Variants in SHROOM4 observed in about 807,000 individuals in gnomAD.
SHROOM4 encodes shroom family member 4.
Under a neutral mutation model 80.3 loss-of-function variants are expected in SHROOM4, and 17 were observed. That is an observed-to-expected ratio of 0.21 (90% CI 0.14 to 0.32). The LOEUF (loss-of-function observed/expected upper bound fraction) is 0.32, where lower values mean the gene tolerates loss of function less well. SHROOM4 is among the 10% of genes least tolerant of loss of function. SHROOM4 has a pLI of 1.00. For missense variants in SHROOM4, 993 were observed against 1,140.3 expected (o/e 0.87, Z 1.86); for synonymous variants, 400 against 437.5 (o/e 0.91, Z 1.07).
intron 5 of SHROOM4, among the ~76,000 whole-genome samples, chrX:50,625,662 C>CCCAATCCAGGGCCACATTCT (rs1557252908): frequency 8.9e-6 from 1 of 111,732 alleles, no homozygotes; most frequent in African/African-American, 3.3e-5. Flanking sequence ...CCTCTACCTC[C>CCCAATCCAGGGCCACATTCT]CCAATCCAGG....
intron 1 of SHROOM4, among the ~76,000 whole-genome samples, chrX:50,697,695 T>G (rs1933408650): frequency 8.9e-6 from 1 of 111,921 alleles, no homozygotes; most frequent in Non-Finnish European, 1.9e-5. Context: ...AAGCCAATAT[T>G]GGTAAATGGG....
rs928061599 is a variant in SHROOM4 at position 50,727,470 on chromosome X, T to C, written c.118-31533A>G. Reference sequence around the variant, plus strand: ...TGTCCCACCCAAATCTCATCTTGAATTGTAATCCCCATGTGTCAAGGGAGG... The same window carrying C: ...TGTCCCACCCAAATCTCATCTTGAACTGTAATCCCCATGTGTCAAGGGAGG... On this transcript the variant is annotated intron_variant, in intron 1 of 8. Coordinates refer to ENST00000376020, the MANE Select transcript of SHROOM4 (RefSeq NM_020717.5). 2.7e-5 allele frequency among the ~76,000 whole-genome samples: 3 copies of C among 111,959 alleles called. No homozygotes were observed. In the Admixed American group the frequency reaches 2.8e-4, roughly 11 times the overall value.
chrX:50,655,785 A>G (rs1342839296), intron 2 of SHROOM4, among the ~76,000 whole-genome samples: 3 of 109,964 alleles, frequency 2.7e-5, no homozygotes, highest in South Asian at 3.9e-4. Context: ...TATACCCAGA[A>G]GTAGGACTGC....
intron 1 of SHROOM4, among the ~76,000 whole-genome samples, chrX:50,796,951 T>C (rs1436473637): frequency 9.5e-6 from 1 of 104,997 alleles, no homozygotes; most frequent in Admixed American, 1.1e-4. Context: ...TTCCAGTGAA[T>C]ACTATCAGAC....
At chrX:50,645,319 C>T (rs1212252818) in intron 2 of SHROOM4, among the ~76,000 whole-genome samples, 1 of 112,106 alleles carries the variant, frequency 8.9e-6, no homozygotes, top group Non-Finnish European at 1.9e-5. Context: ...GGGTGTCCGG[C>T]CGCCCTTGCT....
At chrX:50,610,087 G>A (rs1929886043) in intron 5 of SHROOM4, among the ~76,000 whole-genome samples, 1 of 111,081 alleles carries the variant, frequency 9.0e-6, no homozygotes, top group Non-Finnish European at 1.9e-5. Flanking sequence ...TAATCATGAT[G>A]AAGATTGGAA....
chrX:50,697,549 T>C (rs1384086818), intron 1 of SHROOM4, among the ~76,000 whole-genome samples: 1 of 111,520 alleles, frequency 9.0e-6, no homozygotes, highest in Non-Finnish European at 1.9e-5. Flanking sequence ...AATCACAGAA[T>C]GTTATTACAT....
rs185813757 is a variant in SHROOM4 at position 50,779,095 on chromosome X, A to T, written c.117+34807T>A. On this transcript the variant is annotated intron_variant, in intron 1 of 8. Transcript: ENST00000376020. ...TATTTCAAAACTTAGGCCACTAATA[A>T]TCATAAATATAGAATTGTTCCATGA... Among the ~76,000 whole-genome samples, 392 of 112,181 alleles carry T rather than the reference A, an allele frequency of 3.5e-3. 1 individual carries two copies. The highest frequency in any genetic ancestry group is 0.012 in the African/African-American group (359 of 30,914).
intron 1 of SHROOM4, among the ~76,000 whole-genome samples, chrX:50,743,390 C>T (rs1263934752): frequency 1.8e-5 from 2 of 111,125 alleles, no homozygotes; most frequent in African/African-American, 6.5e-5. Flanking sequence ...ATTACCTTTA[C>T]CAGGGCTCTT....
chrX:50,801,001 A>G (rs1289114455), intron 1 of SHROOM4, among the ~76,000 whole-genome samples: 1 of 110,232 alleles, frequency 9.1e-6, no homozygotes, highest in Non-Finnish European at 1.9e-5. Context: ...GTTGAGAGAT[A>G]TATCAATGAT....
chrX:50,795,074 TGA>T (rs1491577843), intron 1 of SHROOM4, among the ~76,000 whole-genome samples: 1 of 66,803 alleles, frequency 1.5e-5, no homozygotes, highest in African/African-American at 7.2e-5. Flanking sequence ...TATATATATA[TGA>T]TATATATATA....
intron 2 of SHROOM4, among the ~76,000 whole-genome samples, chrX:50,670,670 T>C (rs1569547329): frequency 8.9e-6 from 1 of 112,008 alleles, no homozygotes; most frequent in African/African-American, 3.2e-5. Flanking sequence ...TTCTAGATCC[T>C]TAAGGAATTG....
chrX:50,710,708 A>T (rs9887622), intron 1 of SHROOM4, among the ~76,000 whole-genome samples: 6,440 of 111,923 alleles, frequency 0.058, 450 homozygotes, highest in African/African-American at 0.2. Context: ...AAAAATAAAT[A>T]AAAAATATCT....
Position 50,738,849 on chromosome X carries a change from C to T in SHROOM4, c.118-42912G>A, listed in dbSNP as rs1353906153. Among the ~76,000 whole-genome samples the T allele has an allele frequency of 3.6e-5, 4 of 111,398 alleles. No individual in the cohort carries two copies. The South Asian group carries it at 1.1e-3, about 32-fold the overall frequency. On this transcript the variant is annotated intron_variant, in intron 1 of 8. Coordinates refer to ENST00000376020, the MANE Select transcript of SHROOM4 (RefSeq NM_020717.5). Reference sequence around the variant, plus strand: ...AAACTACTTTAAAGTTCATATGGAACCAAAAAAGAGCCCACATTGCCAAGT... The same window carrying T: ...AAACTACTTTAAAGTTCATATGGAATCAAAAAAGAGCCCACATTGCCAAGT...
At position 50,633,443 on chromosome X, in the gene SHROOM4, C is replaced by A; in HGVS notation, c.2630G>T (p.Cys877Phe). The change falls in exon 4 of 9, where the codon TGT (cysteine) becomes TTT (phenylalanine). Residue 877 changes from cysteine (C) to phenylalanine (F), a missense_variant. Coordinates refer to ENST00000376020, the MANE Select transcript of SHROOM4 (RefSeq NM_020717.5). ...ENSMCCKPLH[C>F]GDFDYHRTCS... ...GGTCCTGTGGTAATCAAAATCACCA[C>A]AGTGTAGTGGCTTACAACACATGGA... 8.3e-7 allele frequency: 1 copy of A among 1,211,998 alleles called. No individual in the cohort carries two copies. Among genetic ancestry groups the A allele is most frequent in the Non-Finnish European group, 1.1e-6 (1 of 895,541 alleles).
intron 1 of SHROOM4, among the ~76,000 whole-genome samples, chrX:50,721,970 G>A (rs1934124252): frequency 9.1e-6 from 1 of 109,989 alleles, no homozygotes; most frequent in Non-Finnish European, 1.9e-5. Flanking sequence ...GTGGTGGAGA[G>A]AAGTCAGGTA....
chrX:50,651,197 G>A (rs781993440), intron 2 of SHROOM4, among the ~76,000 whole-genome samples: 43 of 112,122 alleles, frequency 3.8e-4, no homozygotes, highest in African/African-American at 1.1e-3. Context: ...GGGAACAAAA[G>A]TACAAGAAAA....
Position 50,607,797 on chromosome X carries a change from A to C in SHROOM4, c.3345T>G (p.Phe1115Leu). ...PPPNWEKYRL[F>L]RAAQQQKQQQ... ...GCTGCTTCTGCTGCTGGGCTGCACGAAAGAGCCTGTACTTCTCCCAGTTGG... is the reference window on the plus strand; with the variant it reads ...GCTGCTTCTGCTGCTGGGCTGCACGCAAGAGCCTGTACTTCTCCCAGTTGG... The change falls in exon 6 of 9, where the codon TTT (phenylalanine) becomes TTG (leucine). Residue 1115 changes from phenylalanine (F) to leucine (L), a missense_variant. By Grantham distance (22) the Phe-to-Leu change is conservative. Transcript: ENST00000376020. 13 of 1,159,331 alleles carry C rather than the reference A, an allele frequency of 1.1e-5. No homozygotes were observed. The highest frequency in any genetic ancestry group is 1.4e-5 in the Non-Finnish European group (12 of 866,809).
intron 5 of SHROOM4, among the ~76,000 whole-genome samples, chrX:50,623,722 T>C (rs1930680413): frequency 8.9e-6 from 1 of 111,918 alleles, no homozygotes; most frequent in African/African-American, 3.3e-5. Context: ...AACTTGTACA[T>C]GAATGTTCAT....
Sources: allele counts gnomAD v4.1 joint callset (sites outside exome capture counted in the v4.1 genomes callset), GRCh38; gene constraint gnomAD v4.1.1; transcripts MANE v1.5; gene names NCBI Gene and HGNC (gene_info 2026-07-23, HGNC 2026-07-21).